PDE8A: variants seen among roughly 807,000 people sequenced by gnomAD.
PDE8A encodes high affinity cAMP-specific and IBMX-insensitive 3',5'-cyclic phosphodiesterase 8A.
PDE8A carries 59 observed loss-of-function variants against 105.0 expected under a neutral mutation model. The observed-to-expected ratio is 0.56, with a 90% CI of 0.46 to 0.70. The LOEUF (loss-of-function observed/expected upper bound fraction) is 0.70, where lower values mean the gene tolerates loss of function less well. PDE8A is among the 30% of genes least tolerant of loss of function. PDE8A has a pLI of 0.00. For synonymous variants in PDE8A, 355 were observed against 371.9 expected (o/e 0.95, Z 0.52); for missense variants, 1,014 against 1,045.9 (o/e 0.97, Z 0.42).
chr15:85,092,333 T>TG (rs11447909), intron 8 of PDE8A, among the ~76,000 whole-genome samples: 17,027 of 151,798 alleles, frequency 0.11, 2,685 homozygotes, highest in African/African-American at 0.36. Context: ...TTGTTGTTTT[T>TG]TTTTGTTTTG....
chr15:85,083,732 T>A, intron 6 of PDE8A, 88 bp downstream of exon 6: 2 of 805,086 alleles, frequency 2.5e-6, no homozygotes. Flanking sequence ...ACTTTTGAAA[T>A]GGCCTCTTGC....
At chr15:85,064,570 G>A in intron 2 of PDE8A, 144 bp downstream of exon 2, 1 of 610,316 alleles carries the variant, frequency 1.6e-6, no homozygotes, top group Non-Finnish European at 2.9e-6. Flanking sequence ...CTCTGTAACA[G>A]TATTATAGTT....
intron 1 of PDE8A, among the ~76,000 whole-genome samples, chr15:85,005,333 C>G (rs1270503400): frequency 2.0e-5 from 3 of 152,154 alleles, no homozygotes. Flanking sequence ...CCAGGCTGGT[C>G]TTGAACTCCC....
chr15:85,045,254 A>G (rs1289235451), intron 1 of PDE8A, among the ~76,000 whole-genome samples: 1 of 152,236 alleles, frequency 6.6e-6, no homozygotes, highest in Non-Finnish European at 1.5e-5. Flanking sequence ...TGAATCCTCA[A>G]TGCCTAGGAG....
rs2082450509 is a variant in PDE8A at position 85,138,555 on chromosome 15, G to C, written c.*652G>C. On this transcript the variant is annotated 3_prime_UTR_variant, in exon 22 of 22. Coordinates refer to ENST00000394553, the MANE Select transcript of PDE8A (RefSeq NM_002605.3). Reference sequence around the variant, plus strand: ...GATTCATATTCATTATGCATTACTTGGTATACAGACTTATTTTCATAATGC... The same window carrying C: ...GATTCATATTCATTATGCATTACTTCGTATACAGACTTATTTTCATAATGC... 1 of 152,402 alleles carries C rather than the reference G, an allele frequency of 6.6e-6. No homozygotes were observed. Among genetic ancestry groups the C allele is most frequent in the African/African-American group, 2.4e-5 (1 of 41,366 alleles). The allele number at this position is 152,402 out of a possible 1,614,324, so 9.4% of individuals were successfully genotyped here.
At chr15:85,055,725 C>T (rs1435145245) in intron 1 of PDE8A, among the ~76,000 whole-genome samples, 1 of 152,176 alleles carries the variant, frequency 6.6e-6, no homozygotes, top group African/African-American at 2.4e-5. Context: ...AGTTGGGTCT[C>T]CTGAATACAG....
intron 1 of PDE8A, among the ~76,000 whole-genome samples, chr15:85,040,713 A>G (rs1016609519): frequency 4.0e-5 from 6 of 151,784 alleles, no homozygotes; most frequent in African/African-American, 1.5e-4. Context: ...GGCGCCCACC[A>G]TCATACCCGG....
intron 1 of PDE8A, among the ~76,000 whole-genome samples, chr15:85,019,946 T>G (rs977817184): frequency 3.1e-4 from 11 of 35,090 alleles, no homozygotes; most frequent in Non-Finnish European, 5.3e-4. Flanking sequence ...TTTTTTGGTT[T>G]TTTTTTTTTT....
At chr15:85,109,455 A>G (rs200620574) in intron 12 of PDE8A, among the ~76,000 whole-genome samples, 1 of 152,352 alleles carries the variant, frequency 6.6e-6, no homozygotes, top group East Asian at 1.9e-4. Flanking sequence ...TTAAAGATCT[A>G]TCCCATCGTG....
intron 20 of PDE8A, among the ~76,000 whole-genome samples, chr15:85,127,003 C>T (rs577474170): frequency 6.6e-6 from 1 of 152,210 alleles, no homozygotes; most frequent in South Asian, 2.1e-4. Flanking sequence ...TAAGAGCAGC[C>T]TGGGCAACAT....
intron 1 of PDE8A, among the ~76,000 whole-genome samples, chr15:84,982,784 C>T (rs2079738786): frequency 6.6e-6 from 1 of 152,214 alleles, no homozygotes. Context: ...GGGCGACTGG[C>T]CTCACCACTC....
intron 11 of PDE8A, 22 bp downstream of exon 11, chr15:85,100,220 CT>C: frequency 6.3e-7 from 1 of 1,594,674 alleles, no homozygotes; most frequent in Non-Finnish European, 8.6e-7. Flanking sequence ...CGTATTTATT[CT>C]TAGAGTTCAT....
chr15:85,102,769 G>A (rs1013508972), intron 11 of PDE8A, among the ~76,000 whole-genome samples: 1 of 151,252 alleles, frequency 6.6e-6, no homozygotes, highest in Non-Finnish European at 1.5e-5. Context: ...AACCCGGGAG[G>A]CTGAGGTTGT....
chr15:85,100,873 G>C (rs1247582689), intron 11 of PDE8A, among the ~76,000 whole-genome samples: 5 of 152,174 alleles, frequency 3.3e-5, no homozygotes, highest in Non-Finnish European at 5.9e-5. Flanking sequence ...AGTGTGCTCT[G>C]CTTGCCCATG....
At chr15:84,994,217 T>C (rs1021639000) in intron 1 of PDE8A, among the ~76,000 whole-genome samples, 2 of 152,262 alleles carry the variant, frequency 1.3e-5, no homozygotes, top group African/African-American at 4.8e-5. Flanking sequence ...TTTGCTCTTT[T>C]TTCTTAATTG....
intron 3 of PDE8A, among the ~76,000 whole-genome samples, chr15:85,068,215 T>C (rs1014327896): frequency 1.3e-5 from 2 of 152,000 alleles, no homozygotes; most frequent in Non-Finnish European, 2.9e-5. Context: ...TAATTTTGTA[T>C]TTTTAATAGA....
intron 1 of PDE8A, among the ~76,000 whole-genome samples, chr15:85,057,547 G>A (rs545340422): frequency 3.9e-5 from 6 of 152,204 alleles, no homozygotes; most frequent in African/African-American, 1.2e-4. Flanking sequence ...CTTACTGTCC[G>A]ACAAGCCCCA....
At chr15:85,012,645 A>G (rs1211315463) in intron 1 of PDE8A, among the ~76,000 whole-genome samples, 2 of 151,814 alleles carry the variant, frequency 1.3e-5, no homozygotes, top group African/African-American at 2.4e-5. Context: ...ACATGTATAC[A>G]TATGTAACTA....
chr15:85,105,519 C>T lies in PDE8A; in HGVS notation c.1037-3534C>T, dbSNP rs1306675733. 2.6e-5 allele frequency among the ~76,000 whole-genome samples: 4 copies of T among 152,158 alleles called. No individual in the cohort carries two copies. The East Asian group carries it at 7.7e-4, about 29-fold the overall frequency. ...CAGGGCTAATGCGAGTTGGAGGAAG[C>T]TGCTGTTTTTGAGGGGTACTGATTG... On this transcript the variant is annotated intron_variant, in intron 11 of 21. Transcript: ENST00000394553.
Sources: allele counts gnomAD v4.1 joint callset (sites outside exome capture counted in the v4.1 genomes callset), GRCh38; gene constraint gnomAD v4.1.1; transcripts MANE v1.5; gene names NCBI Gene and HGNC (gene_info 2026-07-23, HGNC 2026-07-21).